Variants in ANK2 observed in about 807,000 individuals in gnomAD.
ANK2 encodes ankyrin-2.
ANK2 carries 83 observed loss-of-function variants against 360.5 expected under a neutral mutation model. The observed-to-expected ratio is 0.23, with a 90% CI of 0.19 to 0.28. ANK2 has a LOEUF of 0.28. ANK2 is among the 10% of genes least tolerant of loss of function. ANK2 has a pLI of 1.00. For missense variants in ANK2, 4,201 were observed against 4,795.7 expected, an observed-to-expected ratio of 0.88 and a Z score of 3.66; for synonymous variants, 1,740 against 1,759.5, an observed-to-expected ratio of 0.99 and a Z score of 0.28.
chr4:113,351,218 G>A (rs1412259933), intron 37 of ANK2, among the ~76,000 whole-genome samples: 1 of 152,024 alleles, frequency 6.6e-6, no homozygotes, highest in African/African-American at 2.4e-5. Context: ...TTGATTTGCT[G>A]TATTTCACAG....
In ANK2 at chr4:113,373,284, G is replaced by C. The variant is rs2154074386; in HGVS notation, c.11695-1G>C. 1 of 1,614,102 alleles carries C rather than the reference G, an allele frequency of 6.2e-7. No individual in the cohort carries two copies. The highest frequency in any genetic ancestry group is 1.3e-5 in the African/African-American group (1 of 75,044). On this transcript the variant is annotated splice_acceptor_variant, in intron 44 of 45. Coordinates refer to ENST00000357077, the MANE Select transcript of ANK2 (RefSeq NM_001148.6). LOFTEE classifies it high-confidence loss of function. ...AGATACACAAATGAAATACATTTCAGGTTACTAGGAAAATCATTAGGCGGT... is the reference window on the plus strand; with the variant it reads ...AGATACACAAATGAAATACATTTCACGTTACTAGGAAAATCATTAGGCGGT...
intron 2 of ANK2, among the ~76,000 whole-genome samples, chr4:112,932,525 T>C (rs1200007326): frequency 6.7e-6 from 1 of 149,534 alleles, no homozygotes; most frequent in Non-Finnish European, 1.5e-5. Flanking sequence ...TACATTTGGC[T>C]GAAATGTTAT....
At chr4:113,116,530 C>T (rs1301941061) in intron 1 of ANK2, among the ~76,000 whole-genome samples, 1 of 152,240 alleles carries the variant, frequency 6.6e-6, no homozygotes, top group Non-Finnish European at 1.5e-5. Flanking sequence ...ATTGCCACGG[C>T]AGTGGCAAGT....
At chr4:113,042,607 A>G (rs2063250142) in intron 2 of ANK2, among the ~76,000 whole-genome samples, 2 of 152,114 alleles carry the variant, frequency 1.3e-5, no homozygotes, top group South Asian at 4.1e-4. Flanking sequence ...CTGAGAGTCT[A>G]TGGACAAACA....
At chr4:112,897,117 A>G (rs779674412) in intron 1 of ANK2, among the ~76,000 whole-genome samples, 4 of 152,080 alleles carry the variant, frequency 2.6e-5, no homozygotes, top group African/African-American at 4.8e-5. Context: ...AGCTTCTCTG[A>G]TAACTGTTCA....
chr4:113,150,152 A>C (rs1020687046), intron 1 of ANK2, among the ~76,000 whole-genome samples: 4 of 152,010 alleles, frequency 2.6e-5, no homozygotes, highest in African/African-American at 9.7e-5. Context: ...CAGCTGTACC[A>C]CTTGTTTACA....
chr4:113,313,882 C>T (rs1563674626), intron 24 of ANK2, among the ~76,000 whole-genome samples: 2 of 152,004 alleles, frequency 1.3e-5, no homozygotes, highest in Admixed American at 6.6e-5. Context: ...ATGTATTGAA[C>T]TGAATAACTA....
At chr4:113,027,275 G>A (rs1040432938) in intron 2 of ANK2, among the ~76,000 whole-genome samples, 1 of 152,064 alleles carries the variant, frequency 6.6e-6, no homozygotes, top group Non-Finnish European at 1.5e-5. Flanking sequence ...CAGAAGTTCA[G>A]TACCATCGCT....
chr4:112,797,212 C>G, the ANK2 span: 1 of 156,604 alleles, frequency 6.4e-6, no homozygotes, highest in Non-Finnish European at 1.4e-5. Context: ...TGACTGCACT[C>G]TCTTCTTCCT....
At chr4:112,893,363 A>T (rs767244810) in intron 1 of ANK2, among the ~76,000 whole-genome samples, 10 of 151,998 alleles carry the variant, frequency 6.6e-5, no homozygotes, top group Non-Finnish European at 1.3e-4. Context: ...AGGTTTCCCT[A>T]TGTTTCCTAG....
At chr4:112,759,790 T>C in the ANK2 span, among the ~76,000 whole-genome samples, 2 of 152,202 alleles carry the variant, frequency 1.3e-5, no homozygotes, top group Admixed American at 1.3e-4. Context: ...TCAAAGTGCT[T>C]CTACGTTCAT....
rs577765656 is a variant in ANK2, at chr4:112,917,019, A to G, written c.21+12505A>G. Among the ~76,000 whole-genome samples the G allele has an allele frequency of 1.4e-4, 22 of 152,324 alleles. No homozygotes were observed. In the East Asian group the frequency reaches 1.5e-3, roughly 11 times the overall value. ...AGAGGCATGGCTTGAATAAAGACCA[A>G]TGGATGTTCTGGAAATTAGGAAACG... On this transcript the variant is annotated intron_variant, in intron 2 of 30. Transcript: ENST00000503271.
chr4:113,189,979 C>G (rs2098630274), intron 2 of ANK2, among the ~76,000 whole-genome samples: 1 of 151,594 alleles, frequency 6.6e-6, no homozygotes, highest in Admixed American at 6.6e-5. Context: ...TTAAAAACTT[C>G]TAGAAATTAT....
At chr4:112,933,710 G>A (rs890571187) in intron 2 of ANK2, among the ~76,000 whole-genome samples, 1 of 152,126 alleles carries the variant, frequency 6.6e-6, no homozygotes, top group African/African-American at 2.4e-5. Flanking sequence ...ATGTTGGTCA[G>A]GCTGGTCTCG....
intron 1 of ANK2, among the ~76,000 whole-genome samples, chr4:113,092,130 A>G (rs592670): frequency 0.69 from 105,508 of 152,102 alleles, 36,713 homozygotes; most frequent in East Asian, 0.8. Context: ...AATATAGCCA[A>G]TGTGTGTTCT....
chr4:113,120,135 A>G (rs979261965), intron 1 of ANK2, among the ~76,000 whole-genome samples: 12 of 152,120 alleles, frequency 7.9e-5, no homozygotes, highest in African/African-American at 2.7e-4. Flanking sequence ...TAAATATGGT[A>G]TAGTACCGAA....
intron 26 of ANK2, among the ~76,000 whole-genome samples, chr4:113,329,858 G>T (rs1268233565): frequency 6.6e-6 from 1 of 152,106 alleles, no homozygotes; most frequent in Non-Finnish European, 1.5e-5. Context: ...AGATTTTTTA[G>T]GATGTACACA....
intron 2 of ANK2, among the ~76,000 whole-genome samples, chr4:112,913,928 CTT>C (rs889806857): frequency 1.3e-5 from 2 of 151,574 alleles, no homozygotes; most frequent in African/African-American, 2.4e-5. Flanking sequence ...TTCATCCTGT[CTT>C]TTTTTTGATG....
At chr4:113,047,161 A>G (rs17045472), upstream of ANK2, among the ~76,000 whole-genome samples, 4,844 of 152,238 alleles carry the variant, frequency 0.032, 254 homozygotes, top group African/African-American at 0.11. Flanking sequence ...TTGAACTGCT[A>G]TTCTGTTTGC....
Sources: allele counts gnomAD v4.1 joint callset (sites outside exome capture counted in the v4.1 genomes callset), GRCh38; gene constraint gnomAD v4.1.1; transcripts MANE v1.5; gene names NCBI Gene and HGNC (gene_info 2026-07-23, HGNC 2026-07-21).